Variants in CTNNA2 observed in about 807,000 individuals in gnomAD.
The protein encoded by CTNNA2 is catenin alpha 2, also known as catenin alpha-2.
A neutral mutation model predicts 101.0 loss-of-function variants in CTNNA2; 42 were observed. The ratio of observed to expected loss-of-function variants is 0.42; its 90% CI spans 0.32 to 0.54. The LOEUF (loss-of-function observed/expected upper bound fraction) is 0.54, where lower values mean the gene tolerates loss of function less well. Among genes scored for constraint, CTNNA2 ranks in the 20% least tolerant of loss-of-function variants. CTNNA2 has a pLI of 0.14. For missense variants in CTNNA2, 871 were observed against 1,223.1 expected, an observed-to-expected ratio of 0.71 and a Z score of 4.29; for synonymous variants, 450 against 456.4, an observed-to-expected ratio of 0.99 and a Z score of 0.18.
chr2:79,979,722 T>C (rs1691121204), intron 7 of CTNNA2, among the ~76,000 whole-genome samples: 1 of 151,874 alleles, frequency 6.6e-6, no homozygotes, highest in Admixed American at 6.6e-5. Flanking sequence ...GGAAAATAAG[T>C]ATTTAAAAAA....
intron 5 of CTNNA2, among the ~76,000 whole-genome samples, chr2:79,507,552 C>T (rs898550256): frequency 6.6e-6 from 1 of 152,138 alleles, no homozygotes; most frequent in Non-Finnish European, 1.5e-5. Context: ...TCCCATCTTA[C>T]AGAACCATGA....
chr2:80,415,286 G>A (rs922391643), intron 8 of CTNNA2, among the ~76,000 whole-genome samples: 12 of 152,022 alleles, frequency 7.9e-5, no homozygotes, highest in African/African-American at 2.7e-4. Context: ...TGTTATTCTG[G>A]CTTGCCCCTG....
chr2:79,893,225 G>A (rs184010764), intron 6 of CTNNA2, among the ~76,000 whole-genome samples: 96 of 152,210 alleles, frequency 6.3e-4, no homozygotes, highest in African/African-American at 2.2e-3. Context: ...CCTTCAGCCC[G>A]TTTTCTCACA....
In CTNNA2 at chr2:79,447,746, A is replaced by G. The variant is rs539124650; in HGVS notation, c.-134-57308A>G. Among the ~76,000 whole-genome samples the G allele has an allele frequency of 3.3e-5, 5 of 152,146 alleles. No homozygotes were observed. In the South Asian group the frequency reaches 1.0e-3, roughly 31 times the overall value. Reference sequence around the variant, plus strand: ...CTCTCAGGGTTGCAAACCACACTTTATGTAAAAGTGCTTACCCAATACTCA... The same window carrying G: ...CTCTCAGGGTTGCAAACCACACTTTGTGTAAAAGTGCTTACCCAATACTCA... On this transcript the variant is annotated intron_variant, in intron 4 of 21. Coordinates refer to the CTNNA2 transcript ENST00000466387.
intron 7 of CTNNA2, among the ~76,000 whole-genome samples, chr2:79,924,607 G>A (rs921321005): frequency 6.6e-6 from 1 of 152,004 alleles, no homozygotes; most frequent in Non-Finnish European, 1.5e-5. Flanking sequence ...CTACGTTCAG[G>A]GGCTATAACT....
intron 9 of CTNNA2, among the ~76,000 whole-genome samples, chr2:80,486,135 G>A (rs1285868778): frequency 6.6e-6 from 1 of 152,162 alleles, no homozygotes; most frequent in Non-Finnish European, 1.5e-5. Context: ...TATTACATTT[G>A]TGTTAGAAAC....
At chr2:80,244,044 A>G (rs1362620150) in intron 7 of CTNNA2, among the ~76,000 whole-genome samples, 1 of 152,204 alleles carries the variant, frequency 6.6e-6, no homozygotes, top group African/African-American at 2.4e-5. Context: ...TTTTGGCTGG[A>G]CGAAGAAGAA....
At chr2:79,270,169 C>A (rs11674663) in intron 2 of CTNNA2, among the ~76,000 whole-genome samples, 10,942 of 152,070 alleles carry the variant, frequency 0.072, 501 homozygotes, top group Middle Eastern at 0.18. Flanking sequence ...ACAGGAAAAA[C>A]ATTGAATTGG....
At chr2:79,603,477 A>G (rs1466917424) in intron 1 of CTNNA2, among the ~76,000 whole-genome samples, 1 of 152,194 alleles carries the variant, frequency 6.6e-6, no homozygotes, top group African/African-American at 2.4e-5. Flanking sequence ...ATTAGAGAAG[A>G]TTGTTGAAAA....
intron 7 of CTNNA2, among the ~76,000 whole-genome samples, chr2:80,001,581 G>A (rs1692950396): frequency 6.6e-6 from 1 of 152,120 alleles, no homozygotes; most frequent in African/African-American, 2.4e-5. Context: ...TCTAATAATT[G>A]GCAGAGATAA....
chr2:79,340,759 G>A (rs1361851709), intron 3 of CTNNA2, among the ~76,000 whole-genome samples: 4 of 150,706 alleles, frequency 2.7e-5, no homozygotes, highest in Admixed American at 2.0e-4. Flanking sequence ...GCCTGAACCC[G>A]GGAGGCGGAG....
chr2:79,331,368 A>G (rs549507347), intron 3 of CTNNA2, among the ~76,000 whole-genome samples: 29 of 152,304 alleles, frequency 1.9e-4, no homozygotes, highest in African/African-American at 7.0e-4. Flanking sequence ...AGGTCAACTT[A>G]GGTCCTGGTC....
At chr2:79,520,378 C>T (rs1558694328) in intron 1 of CTNNA2, among the ~76,000 whole-genome samples, 1 of 152,036 alleles carries the variant, frequency 6.6e-6, no homozygotes, top group Non-Finnish European at 1.5e-5. Flanking sequence ...TTTGTGGGAT[C>T]AATCTATGAT....
At chr2:79,630,406 A>G (rs1679610012) in intron 1 of CTNNA2, among the ~76,000 whole-genome samples, 1 of 152,218 alleles carries the variant, frequency 6.6e-6, no homozygotes, top group Non-Finnish European at 1.5e-5. Context: ...CAGGAAAATT[A>G]AATATTAATA....
intron 7 of CTNNA2, among the ~76,000 whole-genome samples, chr2:80,058,432 C>T (rs143799949): frequency 1.0e-3 from 153 of 152,242 alleles, no homozygotes; most frequent in Middle Eastern, 3.4e-3. Context: ...CTTTTATAAA[C>T]GTTCTGCTAT....
At chr2:79,968,737 A>G (rs911930007) in intron 7 of CTNNA2, among the ~76,000 whole-genome samples, 2 of 152,140 alleles carry the variant, frequency 1.3e-5, no homozygotes, top group Non-Finnish European at 2.9e-5. Context: ...CAAAAATTCC[A>G]TTTCGTATGG....
chr2:80,294,777 T>C (rs1268468841), intron 7 of CTNNA2, among the ~76,000 whole-genome samples: 1 of 152,108 alleles, frequency 6.6e-6, no homozygotes, highest in Non-Finnish European at 1.5e-5. Flanking sequence ...GCAGCCAGGG[T>C]TGACAAGCAC....
chr2:79,972,488 C>A (rs1234778879), intron 7 of CTNNA2, among the ~76,000 whole-genome samples: 1 of 152,134 alleles, frequency 6.6e-6, no homozygotes, highest in Non-Finnish European at 1.5e-5. Flanking sequence ...TATGTGTGCT[C>A]CTTTATTTTA....
chr2:79,970,727 A>G (rs36059653), intron 7 of CTNNA2, among the ~76,000 whole-genome samples: 44,677 of 152,004 alleles, frequency 0.29, 7,865 homozygotes, highest in East Asian at 0.71. Flanking sequence ...GGAGGGCACC[A>G]GTAAATTACT....
Sources: gnomAD v4.1 joint callset for allele counts (sites outside exome capture counted in the v4.1 genomes callset) on GRCh38, gnomAD v4.1.1 for gene constraint, MANE v1.5 for transcripts, NCBI Gene and HGNC (gene_info 2026-07-23, HGNC 2026-07-21) for gene names.